The following CNBD1 variants were observed in gnomAD, a reference collection of about 807,000 sequenced individuals.
The protein encoded by CNBD1 is cyclic nucleotide binding domain containing 1, also known as cyclic nucleotide-binding domain-containing protein 1.
Under a neutral mutation model 54.4 loss-of-function variants are expected in CNBD1, and 71 were observed. The ratio of observed to expected loss-of-function variants is 1.30; its 90% CI spans 1.08 to 1.59. The LOEUF is 1.59. Among genes scored for constraint, CNBD1 ranks in the 40% most tolerant of loss-of-function variants. The probability of loss-of-function intolerance (pLI) is 0.00; values close to 1 mark genes in which losing one functional copy is unlikely to be tolerated. For missense variants in CNBD1, 659 were observed against 518.0 expected, an observed-to-expected ratio of 1.27 and a Z score of -2.64; for synonymous variants, 182 against 170.7, an observed-to-expected ratio of 1.07 and a Z score of -0.51.
chr8:86,988,834 G>T (rs986493135), intron 4 of CNBD1, among the ~76,000 whole-genome samples: 1 of 152,062 alleles, frequency 6.6e-6, no homozygotes, highest in Non-Finnish European at 1.5e-5. Flanking sequence ...TTCCATCCAA[G>T]TTGAAAACGA....
chr8:87,281,707 C>G (rs1808605794), intron 6 of CNBD1, among the ~76,000 whole-genome samples: 1 of 149,880 alleles, frequency 6.7e-6, no homozygotes, highest in Admixed American at 6.7e-5. Flanking sequence ...GGGTAAGACA[C>G]TGCATACATT....
chr8:87,095,696 C>T (rs1356097171), intron 4 of CNBD1, among the ~76,000 whole-genome samples: 8 of 152,106 alleles, frequency 5.3e-5, no homozygotes, highest in Admixed American at 2.0e-4. Flanking sequence ...CTCGCTCTGT[C>T]GCCCAGGCTG....
intron 6 of CNBD1, among the ~76,000 whole-genome samples, chr8:87,282,436 T>A (rs1472051280): frequency 1.3e-5 from 2 of 151,732 alleles, no homozygotes; most frequent in Non-Finnish European, 2.9e-5. Flanking sequence ...TTTCTTATAA[T>A]GTCTAAAATT....
intron 8 of CNBD1, among the ~76,000 whole-genome samples, chr8:87,345,147 G>A (rs1258299806): frequency 6.6e-6 from 1 of 152,086 alleles, no homozygotes; most frequent in Non-Finnish European, 1.5e-5. Context: ...GATTCAGAAT[G>A]TCAGGCTGAA....
At chr8:87,090,766 C>T (rs1345305204) in intron 4 of CNBD1, among the ~76,000 whole-genome samples, 1 of 152,028 alleles carries the variant, frequency 6.6e-6, no homozygotes, top group African/African-American at 2.4e-5. Context: ...TAAATGGAAA[C>T]ATTGTAATAT....
intron 3 of CNBD1, among the ~76,000 whole-genome samples, chr8:86,935,823 G>C (rs1489021587): frequency 3.3e-5 from 5 of 151,982 alleles, no homozygotes; most frequent in Non-Finnish European, 7.4e-5. Flanking sequence ...CTTAGCTCAT[G>C]AATTATCAGC....
intron 5 of CNBD1, among the ~76,000 whole-genome samples, chr8:87,229,124 C>T (rs57699142): frequency 0.041 from 6,268 of 152,234 alleles, 399 homozygotes; most frequent in African/African-American, 0.13. Context: ...ATGGTGCGCG[C>T]ACCCACTGAC....
At chr8:87,279,197 G>A (rs922202270) in intron 6 of CNBD1, among the ~76,000 whole-genome samples, 2 of 151,228 alleles carry the variant, frequency 1.3e-5, no homozygotes, top group Non-Finnish European at 3.0e-5. Context: ...CATAATGAGG[G>A]ACACTGTAAT....
intron 2 of CNBD1, among the ~76,000 whole-genome samples, chr8:87,421,517 T>C (rs1481233344): frequency 6.7e-6 from 1 of 148,176 alleles, no homozygotes; most frequent in Non-Finnish European, 1.5e-5. Flanking sequence ...TGAGTGAGAA[T>C]ATGCAGTGTT....
chr8:87,009,162 C>A (rs1809164153), intron 4 of CNBD1, among the ~76,000 whole-genome samples: 2 of 151,850 alleles, frequency 1.3e-5, no homozygotes, highest in South Asian at 4.2e-4. Flanking sequence ...TAAATTAGTG[C>A]CTTTATACTT....
chr8:87,230,917 A>G (rs1174890617), intron 5 of CNBD1, among the ~76,000 whole-genome samples: 1 of 152,222 alleles, frequency 6.6e-6, no homozygotes, highest in Non-Finnish European at 1.5e-5. Flanking sequence ...GTTCTAATCA[A>G]GAACTATTAT....
chr8:87,340,240 C>A (rs554056923), intron 8 of CNBD1, among the ~76,000 whole-genome samples: 2 of 152,192 alleles, frequency 1.3e-5, no homozygotes, highest in Non-Finnish European at 2.9e-5. Context: ...GAGAAATCTG[C>A]TGATGGTCGT....
In CNBD1 at chr8:87,218,737, G is replaced by T. The variant is rs148159304; in HGVS notation, c.577+12599G>T. Among the ~76,000 whole-genome samples the T allele has an allele frequency of 4.9e-3, 743 of 151,972 alleles. 8 individuals carry two copies. Among genetic ancestry groups the T allele is most frequent in the African/African-American group, 0.017 (711 of 41,506 alleles). On this transcript the variant is annotated intron_variant, in intron 5 of 10. Coordinates refer to ENST00000518476, the MANE Select transcript of CNBD1 (RefSeq NM_173538.3). The stretch of plus-strand genomic sequence containing the variant: ...TATTGTTTTGATATAAATTTTAAAA[G>T]ATTGAAATGTTTTAAAAGTAAGGAA...
At chr8:87,404,827 C>A (rs1807626509) in intron 2 of CNBD1, among the ~76,000 whole-genome samples, 1 of 77,668 alleles carries the variant, frequency 1.3e-5, no homozygotes, top group East Asian at 2.5e-4. Context: ...TAATCTTTTT[C>A]TGCAGGCAAC....
intron 8 of CNBD1, among the ~76,000 whole-genome samples, chr8:87,333,881 A>C (rs1809887273): frequency 6.6e-6 from 1 of 152,194 alleles, no homozygotes; most frequent in South Asian, 2.1e-4. Flanking sequence ...TCTTGGCCTC[A>C]TAAAATGAGT....
At chr8:87,147,605 C>T (rs927122679) in intron 4 of CNBD1, among the ~76,000 whole-genome samples, 5 of 151,964 alleles carry the variant, frequency 3.3e-5, no homozygotes, top group African/African-American at 1.2e-4. Flanking sequence ...GTAATTTCTA[C>T]TAAATTGGTT....
intron 8 of CNBD1, among the ~76,000 whole-genome samples, chr8:87,349,488 G>T (rs1810239725): frequency 6.6e-6 from 1 of 152,086 alleles, no homozygotes; most frequent in Non-Finnish European, 1.5e-5. Flanking sequence ...CTATTCCCCT[G>T]CCTCAGCCTT....
chr8:87,420,986 G>A (rs1351215126), intron 2 of CNBD1, among the ~76,000 whole-genome samples: 2 of 151,858 alleles, frequency 1.3e-5, no homozygotes, highest in African/African-American at 4.8e-5. Context: ...CCAAACACAG[G>A]TTGGGAAAGA....
chr8:87,106,773 T>C (rs1811546412), intron 4 of CNBD1, among the ~76,000 whole-genome samples: 1 of 152,182 alleles, frequency 6.6e-6, no homozygotes, highest in Non-Finnish European at 1.5e-5. Context: ...CCTAAACACA[T>C]ACTTTTAATG....
Sources: allele counts gnomAD v4.1 joint callset (sites outside exome capture counted in the v4.1 genomes callset), GRCh38; gene constraint gnomAD v4.1.1; transcripts MANE v1.5; gene names NCBI Gene and HGNC (gene_info 2026-07-23, HGNC 2026-07-21).